MYH11: variants seen among roughly 807,000 people sequenced by gnomAD.
The protein encoded by MYH11 is myosin-11.
In MYH11, 80 loss-of-function variants were observed where a neutral mutation model predicts 246.6. The ratio of observed to expected loss-of-function variants is 0.32; its 90% CI spans 0.27 to 0.39. The LOEUF (loss-of-function observed/expected upper bound fraction) is 0.39, where lower values mean the gene tolerates loss of function less well. Among genes scored for constraint, MYH11 ranks in the 10% least tolerant of loss-of-function variants. MYH11 has a pLI of 1.00. For missense variants in MYH11, 2,158 were observed against 2,546.8 expected, an observed-to-expected ratio of 0.85 and a Z score of 3.29; for synonymous variants, 1,071 against 1,015.5, an observed-to-expected ratio of 1.05 and a Z score of -1.04.
rs541698666 is a variant in MYH11, at chr16:15,756,280, T to C, written c.1749+61A>G. On this transcript the variant is annotated intron_variant, in intron 14 of 40. Transcript: ENST00000300036. ...GGTTCTGCCACTCTCAGACTGTCTC[T>C]GCGCTGAGCAGCCACTGGGGGTCCC... 3.2e-6 allele frequency: 5 copies of C among 1,582,648 alleles called. No individual in the cohort carries two copies. The East Asian group carries it at 9.0e-5, about 29-fold the overall frequency.
chr16:15,786,525 T>C (rs1432204120), intron 5 of MYH11, 105 bp downstream of exon 5: 7 of 1,110,360 alleles, frequency 6.3e-6, no homozygotes, highest in Non-Finnish European at 8.3e-6. Context: ...GGTAGTCAGA[T>C]GGGGCCTGAG....
chr16:15,706,191 C>T (rs1259606042), intron 40 of MYH11, among the ~76,000 whole-genome samples: 1 of 152,132 alleles, frequency 6.6e-6, no homozygotes, highest in Admixed American at 6.6e-5. Context: ...ACTCCTAGCC[C>T]AGCTTCACAG....
intron 14 of MYH11, among the ~76,000 whole-genome samples, chr16:15,753,861 C>G (rs139520807): frequency 6.6e-6 from 1 of 152,102 alleles, no homozygotes; most frequent in African/African-American, 2.4e-5. Flanking sequence ...GCCCTCCTGC[C>G]GACATGCAAA....
intron 40 of MYH11, among the ~76,000 whole-genome samples, chr16:15,710,664 C>T (rs2039730429): frequency 6.6e-6 from 1 of 151,874 alleles, no homozygotes; most frequent in Admixed American, 6.6e-5. Context: ...GCCAGCAGAG[C>T]ACATCTGAGG....
At position 15,741,867 on chromosome 16, in the gene MYH11, G is replaced by T. The variant is rs869025471; in HGVS notation, c.2545C>A (p.Arg849=). 12 of 1,614,086 alleles carry T rather than the reference G, an allele frequency of 7.4e-6. No individual in the cohort carries two copies. Among genetic ancestry groups the T allele is most frequent in the Non-Finnish European group, 9.3e-6 (11 of 1,180,042 alleles). Residue 849 remains arginine (R), a synonymous_variant, in exon 21 of 41, where the codon CGG becomes AGG. Transcript: ENST00000300036. The part of the protein sequence containing the change: ...TKVKPLLQVT[R]QEEEMQAKED... ...TTGGCCTGCATCTCCTCCTCCTGCCGTGTCACCTGCAGCAGTGGCTTCACC... is the reference window on the plus strand; with the variant it reads ...TTGGCCTGCATCTCCTCCTCCTGCCTTGTCACCTGCAGCAGTGGCTTCACC...
At chr16:15,727,375 A>G (rs1262537711) in intron 27 of MYH11, among the ~76,000 whole-genome samples, 8 of 151,870 alleles carry the variant, frequency 5.3e-5, no homozygotes, top group Non-Finnish European at 8.8e-5. Context: ...TAATTTTTGT[A>G]TTTTTAGTAG....
intron 38 of MYH11, 133 bp from the exon 39 acceptor site, chr16:15,715,405 T>C (rs2040071818): frequency 1.3e-6 from 1 of 788,532 alleles, no homozygotes; most frequent in Non-Finnish European, 2.2e-6. Flanking sequence ...ATCAGTCAGA[T>C]GGTGGAATAG....
At chr16:15,711,944 T>C (rs1210645346) in intron 40 of MYH11, among the ~76,000 whole-genome samples, 2 of 152,200 alleles carry the variant, frequency 1.3e-5, no homozygotes, top group African/African-American at 4.8e-5. Flanking sequence ...CAGCCTGCGT[T>C]GGCCTCCCAA....
Position 15,703,856 on chromosome 16 carries a change from T to A in MYH11, c.*135A>T, listed in dbSNP as rs1422388785. ...TGAGGGGTGTCTGTGATATTTGGAA[T>A]TTGAGAATGGATTTAGACAATGCTA... is the stretch of plus-strand genomic sequence containing the variant. On this transcript the variant is annotated 3_prime_UTR_variant, in exon 41 of 41. Transcript: ENST00000300036. 8.0e-7 allele frequency: 1 copy of A among 1,251,880 alleles called. No individual in the cohort carries two copies. The highest frequency in any genetic ancestry group is 1.2e-5 in the South Asian group (1 of 82,760). The allele number at this position is 1,251,880 out of a possible 1,614,324, so 77.5% of individuals were successfully genotyped here.
chr16:15,846,597 C>T (rs1242032702), intron 1 of MYH11, among the ~76,000 whole-genome samples: 3 of 152,094 alleles, frequency 2.0e-5, no homozygotes, highest in Non-Finnish European at 4.4e-5. Context: ...GCCTGTAATC[C>T]CAGCACTTTG....
intron 3 of MYH11, among the ~76,000 whole-genome samples, chr16:15,816,759 C>G (rs2043272583): frequency 6.9e-6 from 1 of 144,724 alleles, no homozygotes; most frequent in Non-Finnish European, 1.5e-5. Flanking sequence ...GCACAATGAT[C>G]AAGTGTTGTT....
rs2044492852 is a variant in MYH11 at position 15,856,978 on chromosome 16, G to C, written c.-55C>G. 1 of 152,246 alleles carries C rather than the reference G, an allele frequency of 6.6e-6. No individual in the cohort carries two copies. Among genetic ancestry groups the C allele is most frequent in the Non-Finnish European group, 1.5e-5 (1 of 68,118 alleles). 9.4% of individuals were successfully genotyped at this position (152,246 alleles called of 1,614,324 possible). A position where few individuals can be genotyped will look rare whatever the true frequency, so the allele number is the denominator to read the frequency against. The stretch of plus-strand genomic sequence containing the variant: ...GGGGGGACTAGTGGAGAGGAAACTG[G>C]ATGGCGAGCTCGGATCTGACGCACC... On this transcript the variant is annotated 5_prime_UTR_variant, in exon 1 of 41. It adds an upstream start codon to the 5' untranslated region. Coordinates refer to ENST00000300036, the MANE Select transcript of MYH11 (RefSeq NM_002474.3).
At chr16:15,853,885 A>G (rs569096180) in intron 1 of MYH11, among the ~76,000 whole-genome samples, 93 of 152,248 alleles carry the variant, frequency 6.1e-4, no homozygotes, top group African/African-American at 2.2e-3. Context: ...TTAGCCAGGC[A>G]TGGTGGTGGG....
At chr16:15,708,460 G>C (rs530508593) in intron 40 of MYH11, among the ~76,000 whole-genome samples, 1 of 152,208 alleles carries the variant, frequency 6.6e-6, no homozygotes, top group Non-Finnish European at 1.5e-5. Context: ...CCCTAACCAC[G>C]TAAGAGTGGC....
chr16:15,725,878 C>A, intron 28 of MYH11: 1 of 393,300 alleles, frequency 2.5e-6, no homozygotes, highest in East Asian at 3.6e-5. Context: ...GAGTAAGGAT[C>A]AACATACATG....
intron 6 of MYH11, among the ~76,000 whole-genome samples, chr16:15,779,757 T>C (rs1187947857): frequency 1.3e-5 from 2 of 152,190 alleles, no homozygotes; most frequent in Non-Finnish European, 2.9e-5. Flanking sequence ...TCTCCAAAGA[T>C]GGCCCTATCT....
At chr16:15,744,137 GC>G (rs1323728011) in intron 20 of MYH11, among the ~76,000 whole-genome samples, 1 of 151,686 alleles carries the variant, frequency 6.6e-6, no homozygotes, top group Non-Finnish European at 1.5e-5. Context: ...AAAAAAACCT[GC>G]AGTATTGATA....
rs546865794 is a variant in MYH11, at chr16:15,771,858, C to G, written c.890-146G>C. 3 of 1,021,096 alleles carry G rather than the reference C, an allele frequency of 2.9e-6. No homozygotes were observed. In the South Asian group the frequency reaches 4.3e-5, roughly 15 times the overall value. 63.3% of individuals were successfully genotyped at this position (1,021,096 alleles called of 1,614,324 possible). ...CGTTTAAAGCCCTCACGCATCGTCA[C>G]GTAGACAGCCTCACCAACCACTGCC... On this transcript the variant is annotated intron_variant, in intron 8 of 40. Transcript: ENST00000300036.
chr16:15,835,510 G>A (rs2043867398), intron 2 of MYH11, among the ~76,000 whole-genome samples: 1 of 152,162 alleles, frequency 6.6e-6, no homozygotes, highest in Non-Finnish European at 1.5e-5. Flanking sequence ...TTTTAGAGAT[G>A]ACAAGGGGCT....
Sources: gnomAD v4.1 joint callset for allele counts (sites outside exome capture counted in the v4.1 genomes callset) on GRCh38, gnomAD v4.1.1 for gene constraint, MANE v1.5 for transcripts, NCBI Gene and HGNC (gene_info 2026-07-23, HGNC 2026-07-21) for gene names.